Variants in UGGT2 observed in about 807,000 individuals in gnomAD.
UGGT2 encodes UDP-glucose glycoprotein glucosyltransferase 2, also known as UDP-glucose:glycoprotein glucosyltransferase 2.
A neutral mutation model predicts 192.1 loss-of-function variants in UGGT2; 180 were observed. The observed-to-expected ratio is 0.94, with a 90% CI of 0.83 to 1.06. The LOEUF (loss-of-function observed/expected upper bound fraction) is 1.06. Among genes scored for constraint, UGGT2 ranks in the 50% least tolerant of loss-of-function variants. The pLI, the probability that UGGT2 is intolerant of heterozygous loss-of-function variation, is 0.00. For missense variants in UGGT2, 1,849 were observed against 1,795.7 expected (o/e 1.03, Z -0.54); for synonymous variants, 580 against 591.0 (o/e 0.98, Z 0.27).
At chr13:95,806,685 A>G (rs1212771322) in intron 38 of UGGT2, among the ~76,000 whole-genome samples, 2 of 152,222 alleles carry the variant, frequency 1.3e-5, no homozygotes, top group African/African-American at 4.8e-5. Flanking sequence ...TACTGGAATA[A>G]GAAGAGACAT....
intron 10 of UGGT2, among the ~76,000 whole-genome samples, chr13:95,980,443 G>A (rs774177080): frequency 6.6e-6 from 1 of 151,994 alleles, no homozygotes; most frequent in Non-Finnish European, 1.5e-5. Flanking sequence ...TGGACTTTGG[G>A]GACTCGGGGG....
intron 2 of UGGT2, among the ~76,000 whole-genome samples, chr13:96,024,150 G>T (rs1409369933): frequency 6.6e-6 from 1 of 152,192 alleles, no homozygotes; most frequent in African/African-American, 2.4e-5. Flanking sequence ...TAAAGTACCT[G>T]TATGAATAAA....
chr13:95,989,092 G>T (rs1447889699), intron 8 of UGGT2, among the ~76,000 whole-genome samples: 4 of 151,990 alleles, frequency 2.6e-5, no homozygotes, highest in Non-Finnish European at 5.9e-5. Context: ...AGTTTTTTGG[G>T]GGGATGATGA....
Position 96,019,373 on chromosome 13 carries a change from T to G in UGGT2, c.485+3667A>C, listed in dbSNP as rs1025157004. 5.3e-5 allele frequency among the ~76,000 whole-genome samples: 8 copies of G among 152,264 alleles called. 1 individual carries two copies. The highest frequency in any genetic ancestry group is 4.6e-4 in the Admixed American group (7 of 15,294). On this transcript the variant is annotated intron_variant, in intron 4 of 38. Coordinates refer to ENST00000376747, the MANE Select transcript of UGGT2 (RefSeq NM_020121.4). ...AAGAATTCTACACAGGCAGTGGGTA[T>G]GGATCACATCTAAAGAACACTGAAT...
At chr13:95,903,230 C>T (rs899000674) in intron 20 of UGGT2, among the ~76,000 whole-genome samples, 170 bp from the exon 21 acceptor site, 1 of 152,130 alleles carries the variant, frequency 6.6e-6, no homozygotes, top group Non-Finnish European at 1.5e-5. Flanking sequence ...AAAAGCCTAA[C>T]AATCATTTTA....
rs763095678 is a variant in UGGT2, at chr13:95,902,934, T to G, written c.2422A>C (p.Ser808Arg). The change falls in exon 21 of 39, where the codon AGC becomes CGC. Residue 808 changes from serine to arginine, a missense_variant. Ser to Arg is a moderately radical substitution (Grantham distance 110, BLOSUM62 -1). Coordinates refer to ENST00000376747, the MANE Select transcript of UGGT2 (RefSeq NM_020121.4). ...TCCTTTGCCAGTTGCCCAAGAAAGC[T>G]TCTCAAAAACATGTTCTTCTGTGTA... is the stretch of plus-strand genomic sequence containing the variant. Reference protein sequence around the residue: ...FLTQKNMFLRSFLGQLAKEEI... With the variant: ...FLTQKNMFLRRFLGQLAKEEI... 6.2e-7 allele frequency: 1 copy of G among 1,613,616 alleles called. No individual in the cohort carries two copies. Among genetic ancestry groups the G allele is most frequent in the South Asian group, 1.1e-5 (1 of 91,066 alleles).
chr13:95,867,392 C>T lies in UGGT2; in HGVS notation c.3505G>A (p.Glu1169Lys). ...CTGTTTAATACAACAATGATATCTT[C>T]TAGGTCTGCTTGAGAGTCAGTTCCT... ...HEGTDSQADLEDIIVVLNSFK... is the reference protein window; with the variant it reads ...HEGTDSQADLKDIIVVLNSFK... The change falls in exon 30 of 39, where the codon GAA (glutamate) becomes AAA (lysine). Residue 1169 changes from glutamate (E) to lysine (K), a missense_variant. Glu to Lys is a moderately conservative substitution (Grantham distance 56). Transcript: ENST00000376747. The T allele has an allele frequency of 6.2e-7, 1 of 1,608,878 alleles. No individual in the cohort carries two copies. The highest frequency in any genetic ancestry group is 2.2e-5 in the East Asian group (1 of 44,520).
chr13:96,011,007 T>C (rs1158588508), intron 5 of UGGT2, among the ~76,000 whole-genome samples: 1 of 152,134 alleles, frequency 6.6e-6, no homozygotes, highest in Non-Finnish European at 1.5e-5. Context: ...GGAAATTCAA[T>C]GGAGAAGGAC....
chr13:96,045,961 T>C (rs753076388), intron 1 of UGGT2, among the ~76,000 whole-genome samples: 11 of 152,080 alleles, frequency 7.2e-5, no homozygotes, highest in Non-Finnish European at 1.3e-4. Context: ...ACCACCATCA[T>C]TCTTCACAAA....
chr13:95,841,817 T>C (rs1887896548), intron 36 of UGGT2, among the ~76,000 whole-genome samples: 1 of 152,258 alleles, frequency 6.6e-6, no homozygotes, highest in Admixed American at 6.5e-5. Flanking sequence ...TTTACGGTTT[T>C]AGTTCTTACA....
At chr13:95,903,571 T>C (rs1436035985) in intron 20 of UGGT2, among the ~76,000 whole-genome samples, 1 of 151,820 alleles carries the variant, frequency 6.6e-6, no homozygotes, top group Non-Finnish European at 1.5e-5. Flanking sequence ...AAATTTCATA[T>C]AAATGGAGTC....
At chr13:95,866,953 T>C (rs1367516742) in intron 30 of UGGT2, among the ~76,000 whole-genome samples, 1 of 152,102 alleles carries the variant, frequency 6.6e-6, no homozygotes, top group East Asian at 1.9e-4. Flanking sequence ...GGAGGGTTGG[T>C]CCAAAAAGAA....
At chr13:95,912,460 C>T (rs1342767958) in intron 20 of UGGT2, among the ~76,000 whole-genome samples, 1 of 151,796 alleles carries the variant, frequency 6.6e-6, no homozygotes, top group Non-Finnish European at 1.5e-5. Context: ...AAGAGAGAGC[C>T]AAATCATGAG....
intron 29 of UGGT2, among the ~76,000 whole-genome samples, chr13:95,869,835 A>G (rs1891067708): frequency 6.6e-6 from 1 of 152,208 alleles, no homozygotes; most frequent in Admixed American, 6.5e-5. Flanking sequence ...TCTCAATGAG[A>G]TTCAAGAGAA....
intron 16 of UGGT2, among the ~76,000 whole-genome samples, chr13:95,937,984 T>C (rs539941920): frequency 2.0e-4 from 31 of 152,308 alleles, no homozygotes; most frequent in African/African-American, 7.2e-4. Flanking sequence ...ATCTTTCCCA[T>C]GCTATTCTCG....
chr13:96,004,178 A>G lies in UGGT2; in HGVS notation c.661-4871T>C, dbSNP rs1007485075. On this transcript the variant is annotated intron_variant, in intron 5 of 38. Coordinates refer to ENST00000376747, the MANE Select transcript of UGGT2 (RefSeq NM_020121.4). ...CTATGGTATCTAAGCAACTCTAGGA[A>G]AAAAAAAAAAAACATATTTGTTTTT... 8.6e-3 allele frequency among the ~76,000 whole-genome samples: 518 copies of G among 60,238 alleles called. 6 individuals are homozygous for G. The highest frequency in any genetic ancestry group is 0.027 in the South Asian group (46 of 1,680). 39.5% of individuals were successfully genotyped at this position (60,238 alleles called of 152,430 possible).
intron 1 of UGGT2, among the ~76,000 whole-genome samples, chr13:96,045,571 A>G (rs1308921929): frequency 6.6e-6 from 1 of 152,138 alleles, no homozygotes. Flanking sequence ...TGATACGATT[A>G]TATACCTAGA....
At chr13:95,927,488 T>TA (rs2049062608) in intron 17 of UGGT2, 152 bp from the exon 18 acceptor site, 4 of 720,256 alleles carry the variant, frequency 5.6e-6, no homozygotes, top group East Asian at 3.0e-5. Context: ...TTTTTTTTTT[T>TA]ATTCTTCAGT....
chr13:95,977,834 C>T (rs911477320), intron 10 of UGGT2, among the ~76,000 whole-genome samples: 3 of 152,148 alleles, frequency 2.0e-5, no homozygotes, highest in African/African-American at 4.8e-5. Flanking sequence ...AAATGTGGCA[C>T]ATGTACACCA....
Sources: allele counts gnomAD v4.1 joint callset (sites outside exome capture counted in the v4.1 genomes callset), GRCh38; gene constraint gnomAD v4.1.1; transcripts MANE v1.5; gene names NCBI Gene and HGNC (gene_info 2026-07-23, HGNC 2026-07-21).